Variants in FAM171A1 observed in about 807,000 individuals in gnomAD.
The protein encoded by FAM171A1 is protein FAM171A1.
A neutral mutation model predicts 74.9 loss-of-function variants in FAM171A1; 23 were observed. The ratio of observed to expected loss-of-function variants is 0.31; its 90% CI spans 0.22 to 0.44. The LOEUF (loss-of-function observed/expected upper bound fraction) is 0.44. Ranked by LOEUF, FAM171A1 falls within the 20% of genes least tolerant of loss-of-function variation. FAM171A1 has a pLI of 1.00. For synonymous variants in FAM171A1, 527 were observed against 505.7 expected, an observed-to-expected ratio of 1.04 and a Z score of -0.57; for missense variants, 1,162 against 1,159.2, an observed-to-expected ratio of 1.00 and a Z score of -0.03.
chr10:15,279,059 G>A (rs895270549), intron 2 of FAM171A1, among the ~76,000 whole-genome samples: 32 of 152,202 alleles, frequency 2.1e-4, no homozygotes, highest in Admixed American at 1.3e-3. Flanking sequence ...CAGAGCTCCC[G>A]TGGCGACTGC....
chr10:15,318,403 C>T (rs367947214), intron 1 of FAM171A1, among the ~76,000 whole-genome samples: 28 of 152,270 alleles, frequency 1.8e-4, no homozygotes, highest in African/African-American at 6.3e-4. Context: ...GAAGGGGTCA[C>T]GAAGCTGGTT....
intron 5 of FAM171A1, chr10:15,241,522 A>C (rs1352562417): frequency 1.3e-5 from 2 of 152,236 alleles, no homozygotes; most frequent in Non-Finnish European, 2.9e-5. Context: ...GTTCCAGTGA[A>C]ACTTTATTTA....
At chr10:15,367,298 T>C (rs1836077707) in intron 1 of FAM171A1, among the ~76,000 whole-genome samples, 1 of 152,238 alleles carries the variant, frequency 6.6e-6, no homozygotes, top group Admixed American at 6.5e-5. Flanking sequence ...TTTTCCTTCT[T>C]TTGGTTTGGA....
intron 3 of FAM171A1, among the ~76,000 whole-genome samples, chr10:15,262,427 T>C (rs1056349103): frequency 2.0e-5 from 3 of 151,642 alleles, no homozygotes; most frequent in Non-Finnish European, 4.4e-5. Flanking sequence ...ATGAAGGAGA[T>C]TGAGAAGCAA....
intron 3 of FAM171A1, among the ~76,000 whole-genome samples, chr10:15,257,343 G>A (rs918051421): frequency 1.3e-5 from 2 of 152,148 alleles, no homozygotes; most frequent in African/African-American, 4.8e-5. Context: ...GGGGGAGCCG[G>A]GGAATGGGCC....
intron 3 of FAM171A1, among the ~76,000 whole-genome samples, chr10:15,267,795 C>G (rs1051965981): frequency 2.0e-5 from 3 of 152,036 alleles, no homozygotes; most frequent in African/African-American, 7.2e-5. Flanking sequence ...AGGAGCAGAA[C>G]ACGGAGCGGT....
intron 1 of FAM171A1, among the ~76,000 whole-genome samples, chr10:15,362,799 G>C (rs1836010961): frequency 6.6e-6 from 1 of 152,166 alleles, no homozygotes. Context: ...GAGTTAGTGG[G>C]TTTCATCTGA....
chr10:15,286,439 C>A (rs1835036246), intron 1 of FAM171A1, among the ~76,000 whole-genome samples: 1 of 151,972 alleles, frequency 6.6e-6, no homozygotes, highest in African/African-American at 2.4e-5. Context: ...CGCCACGATG[C>A]CCCACTAATT....
chr10:15,334,390 C>T (rs1406647864), intron 1 of FAM171A1, among the ~76,000 whole-genome samples: 2 of 152,186 alleles, frequency 1.3e-5, no homozygotes, highest in Non-Finnish European at 1.5e-5. Flanking sequence ...AAATGATTTA[C>T]AAAAACTTCA....
chr10:15,212,741 G>T lies in FAM171A1; in HGVS notation c.*174C>A. 1.1e-6 allele frequency: 1 copy of T among 918,776 alleles called. No individual in the cohort carries two copies. Among genetic ancestry groups the T allele is most frequent in the Non-Finnish European group, 1.6e-6 (1 of 620,936 alleles). The allele number at this position is 918,776 out of a possible 1,614,324, so 56.9% of individuals were successfully genotyped here. On this transcript the variant is annotated 3_prime_UTR_variant, in exon 8 of 8. Coordinates refer to ENST00000378116, the MANE Select transcript of FAM171A1 (RefSeq NM_001010924.2). The stretch of plus-strand genomic sequence containing the variant: ...CCGCCAAAGTCATCCTTTATTCCGA[G>T]TAATAACTTTAATTCCTTTCTAACA...
intron 2 of FAM171A1, among the ~76,000 whole-genome samples, chr10:15,282,462 T>C (rs1834982219): frequency 6.6e-6 from 1 of 152,238 alleles, no homozygotes; most frequent in Non-Finnish European, 1.5e-5. Flanking sequence ...GATCGGTTCA[T>C]GAAAATGTTG....
chr10:15,264,514 T>C (rs987002004), intron 3 of FAM171A1, among the ~76,000 whole-genome samples: 5 of 151,906 alleles, frequency 3.3e-5, no homozygotes, highest in Admixed American at 3.3e-4. Context: ...TTGTAGACAA[T>C]ACAAATACAT....
chr10:15,319,316 G>T (rs1186055865), intron 1 of FAM171A1, among the ~76,000 whole-genome samples: 1 of 152,168 alleles, frequency 6.6e-6, no homozygotes, highest in Non-Finnish European at 1.5e-5. Flanking sequence ...GTGCCCAGGT[G>T]GGAGCTAAGC....
chr10:15,312,862 A>G (rs1772749878), intron 1 of FAM171A1, among the ~76,000 whole-genome samples: 2 of 150,974 alleles, frequency 1.3e-5, no homozygotes, highest in South Asian at 4.2e-4. Flanking sequence ...CGCCCGGTTA[A>G]TTTTTGTATT....
chr10:15,244,157 C>A (rs1175761669), intron 5 of FAM171A1, among the ~76,000 whole-genome samples: 1 of 151,972 alleles, frequency 6.6e-6, no homozygotes, highest in African/African-American at 2.4e-5. Flanking sequence ...AGTTCGAGAC[C>A]ACCTAGGCAA....
At chr10:15,280,753 C>G (rs1456972134) in intron 2 of FAM171A1, among the ~76,000 whole-genome samples, 1 of 152,246 alleles carries the variant, frequency 6.6e-6, no homozygotes, top group Admixed American at 6.5e-5. Context: ...TTAGAAGAGG[C>G]TCCCAGCTCT....
intron 1 of FAM171A1, among the ~76,000 whole-genome samples, chr10:15,341,520 A>G (rs889875589): frequency 5.9e-5 from 9 of 152,230 alleles, no homozygotes; most frequent in Non-Finnish European, 1.0e-4. Flanking sequence ...TGCATTAAAG[A>G]AGATTTCTGA....
chr10:15,247,707 A>C (rs1447621347), intron 5 of FAM171A1, among the ~76,000 whole-genome samples: 1 of 151,968 alleles, frequency 6.6e-6, no homozygotes, highest in Non-Finnish European at 1.5e-5. Context: ...TCTTGGCCTC[A>C]AGTGAACCAC....
intron 5 of FAM171A1, among the ~76,000 whole-genome samples, chr10:15,224,746 A>G (rs1834083320): frequency 6.6e-6 from 1 of 152,166 alleles, no homozygotes; most frequent in Non-Finnish European, 1.5e-5. Flanking sequence ...CTCCCCAGCC[A>G]TGTGGAACTG....
Sources: allele counts gnomAD v4.1 joint callset (sites outside exome capture counted in the v4.1 genomes callset), GRCh38; gene constraint gnomAD v4.1.1; transcripts MANE v1.5; gene names NCBI Gene and HGNC (gene_info 2026-07-23, HGNC 2026-07-21).